The following SLC25A21 variants were observed in gnomAD, a reference collection of about 807,000 sequenced individuals.
The protein encoded by SLC25A21 is mitochondrial 2-oxodicarboxylate carrier.
SLC25A21 carries 47 observed loss-of-function variants against 43.8 expected under a neutral mutation model. The ratio of observed to expected loss-of-function variants is 1.07; its 90% CI spans 0.85 to 1.37. SLC25A21 has a LOEUF of 1.37. Among genes scored for constraint, SLC25A21 ranks in the 40% most tolerant of loss-of-function variants. The pLI is 0.00. For missense variants in SLC25A21, 352 were observed against 350.2 expected (o/e 1.00, Z -0.04); for synonymous variants, 131 against 121.3 (o/e 1.08, Z -0.52).
At chr14:36,859,458 T>C (rs577172997) in intron 2 of SLC25A21, among the ~76,000 whole-genome samples, 4 of 152,170 alleles carry the variant, frequency 2.6e-5, no homozygotes, top group Non-Finnish European at 5.9e-5. Context: ...AAGCCGCCCA[T>C]CCAGGCACCA....
rs552425490 is a variant in SLC25A21, at chr14:36,712,973, T to G, written c.439-1491A>C. Among the ~76,000 whole-genome samples the G allele has an allele frequency of 7.2e-5, 11 of 152,274 alleles. No individual in the cohort carries two copies. In the East Asian group the frequency reaches 1.9e-3, roughly 27 times the overall value. On this transcript the variant is annotated intron_variant, in intron 6 of 9. Transcript: ENST00000331299. ...GGAAGTGCTGAGTAAACTGCCCAAG[T>G]ACTGCTATCTTGCTTCAAGGAAGGC... is the stretch of plus-strand genomic sequence containing the variant.
chr14:36,684,958 G>A, intron 7 of SLC25A21, 33 bp from the exon 8 acceptor site: 2 of 1,571,608 alleles, frequency 1.3e-6, no homozygotes, highest in Non-Finnish European at 1.7e-6. Flanking sequence ...TAACAGAAAG[G>A]GGAGCGGAAG....
intron 1 of SLC25A21, among the ~76,000 whole-genome samples, chr14:36,944,629 T>C (rs777258194): frequency 6.6e-5 from 10 of 152,226 alleles, no homozygotes; most frequent in Non-Finnish European, 7.3e-5. Context: ...ACGAATGTCC[T>C]ATTCAATACA....
At chr14:36,687,338 C>T (rs1379095666) in intron 7 of SLC25A21, among the ~76,000 whole-genome samples, 1 of 151,804 alleles carries the variant, frequency 6.6e-6, no homozygotes, top group Non-Finnish European at 1.5e-5. Flanking sequence ...AATCATCTGG[C>T]AATTTTACAA....
intron 1 of SLC25A21, among the ~76,000 whole-genome samples, chr14:36,980,244 G>A (rs576118375): frequency 1.4e-4 from 21 of 152,288 alleles, no homozygotes; most frequent in South Asian, 1.2e-3. Flanking sequence ...CCTTCTCGAG[G>A]AGTATCTTTG....
chr14:37,165,274 G>A lies in SLC25A21; in HGVS notation c.70+7007C>T, dbSNP rs1964012325. On this transcript the variant is annotated intron_variant, in intron 1 of 9. Transcript: ENST00000331299. ...TGCCTATAATCCCAGCTACTCAGAA[G>A]GCTGAGGCAAAAGAATCGCTTGAAC... Among the ~76,000 whole-genome samples the A allele has an allele frequency of 2.0e-5, 3 of 152,240 alleles. No individual in the cohort carries two copies. In the South Asian group the frequency reaches 6.2e-4, roughly 32 times the overall value.
intron 3 of SLC25A21, among the ~76,000 whole-genome samples, chr14:36,777,371 T>G (rs908731477): frequency 6.6e-6 from 1 of 151,888 alleles, no homozygotes; most frequent in Non-Finnish European, 1.5e-5. Context: ...CTGTAATGAG[T>G]TGGATAGTGG....
intron 1 of SLC25A21, among the ~76,000 whole-genome samples, chr14:37,073,341 T>G (rs184080859): frequency 6.6e-6 from 1 of 152,210 alleles, no homozygotes; most frequent in African/African-American, 2.4e-5. Flanking sequence ...AACTGCTTCT[T>G]TGGGTCATCA....
intron 7 of SLC25A21, among the ~76,000 whole-genome samples, chr14:36,706,317 T>G (rs1883562590): frequency 6.6e-6 from 1 of 152,214 alleles, no homozygotes; most frequent in African/African-American, 2.4e-5. Context: ...CAAAACAATC[T>G]TATCAGATAG....
At chr14:36,687,724 G>A (rs1451879361) in intron 7 of SLC25A21, among the ~76,000 whole-genome samples, 3 of 152,050 alleles carry the variant, frequency 2.0e-5, no homozygotes, top group East Asian at 3.9e-4. Context: ...AGCCATCCTC[G>A]CATGAATGCA....
At chr14:37,009,379 A>G (rs1231690806) in intron 1 of SLC25A21, among the ~76,000 whole-genome samples, 3 of 152,000 alleles carry the variant, frequency 2.0e-5, no homozygotes, top group Non-Finnish European at 4.4e-5. Context: ...CCAGCTACTC[A>G]AGAGGCTGAG....
chr14:36,868,705 C>A (rs996267620), intron 2 of SLC25A21, among the ~76,000 whole-genome samples: 1 of 152,218 alleles, frequency 6.6e-6, no homozygotes, highest in Admixed American at 6.5e-5. Flanking sequence ...GACAGTATGT[C>A]AGTCCCCATT....
intron 2 of SLC25A21, among the ~76,000 whole-genome samples, chr14:36,830,831 T>C (rs907542322): frequency 4.6e-5 from 7 of 152,136 alleles, no homozygotes; most frequent in African/African-American, 7.2e-5. Context: ...GACTTCATCA[T>C]GGGATTCAAA....
chr14:36,978,100 T>C (rs1391889669), intron 1 of SLC25A21, among the ~76,000 whole-genome samples: 1 of 152,176 alleles, frequency 6.6e-6, no homozygotes, highest in Non-Finnish European at 1.5e-5. Flanking sequence ...TATAAGTGAT[T>C]AGTGATTTTC....
At chr14:37,086,947 A>G (rs925497076) in intron 1 of SLC25A21, among the ~76,000 whole-genome samples, 3 of 152,212 alleles carry the variant, frequency 2.0e-5, no homozygotes, top group Non-Finnish European at 4.4e-5. Context: ...ATGTATAATT[A>G]TATTTTATTC....
At chr14:36,859,367 A>G (rs1269394388) in intron 2 of SLC25A21, among the ~76,000 whole-genome samples, 3 of 152,238 alleles carry the variant, frequency 2.0e-5, no homozygotes, top group African/African-American at 7.2e-5. Context: ...TGCAAGTAAA[A>G]ATAAGATATT....
chr14:37,011,906 A>G (rs1163136880), intron 1 of SLC25A21, among the ~76,000 whole-genome samples: 1 of 149,520 alleles, frequency 6.7e-6, no homozygotes, highest in Admixed American at 6.6e-5. Context: ...TTGAACTTTT[A>G]CTTCATATCA....
chr14:36,975,364 A>C (rs1594730623), intron 1 of SLC25A21, among the ~76,000 whole-genome samples: 1 of 152,284 alleles, frequency 6.6e-6, no homozygotes, highest in Non-Finnish European at 1.5e-5. Context: ...TACCCCAATA[A>C]CTTATGGAAA....
intron 1 of SLC25A21, among the ~76,000 whole-genome samples, chr14:37,112,435 G>C (rs182327465): frequency 7.6e-4 from 116 of 152,324 alleles, no homozygotes; most frequent in African/African-American, 2.5e-3. Context: ...GAAATTTTAA[G>C]TAGAGTGCTT....
Sources: gnomAD v4.1 joint callset for allele counts (sites outside exome capture counted in the v4.1 genomes callset) on GRCh38, gnomAD v4.1.1 for gene constraint, MANE v1.5 for transcripts, NCBI Gene and HGNC (gene_info 2026-07-23, HGNC 2026-07-21) for gene names.